Variants in ACOT1 observed in about 807,000 individuals in gnomAD.
The protein encoded by ACOT1 is acyl-CoA thioesterase 1, also known as acyl-coenzyme A thioesterase 1.
In ACOT1, 8 loss-of-function variants were observed where a neutral mutation model predicts 15.7. That is an observed-to-expected ratio of 0.51 (90% CI 0.30 to 0.92). The LOEUF (loss-of-function observed/expected upper bound fraction) is 0.92, where lower values mean the gene tolerates loss of function less well. ACOT1 is among the 40% of genes least tolerant of loss of function. ACOT1 has a pLI of 0.06. For missense variants in ACOT1, 151 were observed against 539.4 expected, an observed-to-expected ratio of 0.28 and a Z score of 7.13; for synonymous variants, 67 against 241.2, an observed-to-expected ratio of 0.28 and a Z score of 6.69.
the ACOT1 span, chr14:73,491,802 T>C: frequency 6.3e-7 from 1 of 1,597,142 alleles, no homozygotes; most frequent in Non-Finnish European, 8.5e-7. Context: ...GGCCAGCATT[T>C]GGACGCCGCT....
the ACOT1 span, among the ~76,000 whole-genome samples, chr14:73,509,998 C>T: frequency 2.3e-4 from 34 of 150,490 alleles, no homozygotes; most frequent in African/African-American, 7.6e-4. Flanking sequence ...CTCAGCCTCC[C>T]GAGTAGCTGG....
At chr14:73,522,907 G>C in the ACOT1 span, 3 of 1,614,180 alleles carry the variant, frequency 1.9e-6, no homozygotes, top group South Asian at 3.3e-5. Context: ...TGCTGGGCAG[G>C]CCTCGCTGCC....
At chr14:73,501,358 C>T in the ACOT1 span, among the ~76,000 whole-genome samples, 139 of 152,068 alleles carry the variant, frequency 9.1e-4, no homozygotes, top group Non-Finnish European at 1.5e-3. Context: ...ATCTCCTGAC[C>T]TCGTGATCTG....
chr14:73,494,545 T>G, the ACOT1 span, among the ~76,000 whole-genome samples: 3 of 152,022 alleles, frequency 2.0e-5, no homozygotes, highest in African/African-American at 7.3e-5. Context: ...AAGCACTATT[T>G]TTTGTTTGTT....
chr14:73,521,631 C>T, the ACOT1 span, among the ~76,000 whole-genome samples: 1 of 152,198 alleles, frequency 6.6e-6, no homozygotes, highest in African/African-American at 2.4e-5. Flanking sequence ...GTAATAGCTC[C>T]AGTCTTCCCT....
the ACOT1 span, chr14:73,523,086 G>A: frequency 6.2e-7 from 1 of 1,612,384 alleles, no homozygotes; most frequent in Non-Finnish European, 8.5e-7. Context: ...CCCCATCCCA[G>A]TCGTGGGGGC....
the ACOT1 span, chr14:73,506,542 C>G: frequency 6.2e-7 from 1 of 1,613,716 alleles, no homozygotes; most frequent in Non-Finnish European, 8.5e-7. Context: ...AGCTGTTCAG[C>G]TCCACAGCAA....
At chr14:73,499,145 G>C in the ACOT1 span, 5 of 1,613,792 alleles carry the variant, frequency 3.1e-6, no homozygotes, top group Non-Finnish European at 4.2e-6. Flanking sequence ...AAGCACCTGG[G>C]ATGGAAAAGG....
the ACOT1 span, among the ~76,000 whole-genome samples, chr14:73,526,217 C>A: frequency 6.6e-6 from 1 of 152,208 alleles, no homozygotes; most frequent in Non-Finnish European, 1.5e-5. Context: ...CAGAATTCTG[C>A]TGGCACCCAC....
At chr14:73,506,709 A>G in the ACOT1 span, 1 of 556,762 alleles carries the variant, frequency 1.8e-6, no homozygotes, top group South Asian at 2.5e-5. Context: ...TGTTTCCATC[A>G]CAGCCAACTG....
the ACOT1 span, chr14:73,499,189 A>T: frequency 6.5e-7 from 1 of 1,527,572 alleles, no homozygotes; most frequent in Non-Finnish European, 9.1e-7. Context: ...AGCAAGAATG[A>T]ACCAGAAACA....
the ACOT1 span, among the ~76,000 whole-genome samples, chr14:73,506,870 G>A: frequency 5.9e-5 from 8 of 135,576 alleles, no homozygotes; most frequent in Admixed American, 8.3e-5. Context: ...GCACAATCTC[G>A]GCTCACTGCA....
At chr14:73,495,327 T>G in the ACOT1 span, 8 of 1,613,932 alleles carry the variant, frequency 5.0e-6, no homozygotes, top group Non-Finnish European at 5.9e-6. Flanking sequence ...ACTTTTCCCA[T>G]GACCATCTCC....
At chr14:73,492,923 A>T in the ACOT1 span, 3 of 1,612,938 alleles carry the variant, frequency 1.9e-6, no homozygotes, top group Non-Finnish European at 2.5e-6. This position sits in a 1 kb window ranked among gnomAD's most constrained non-coding sequence, Gnocchi z 4.9. Context: ...GCTCACTAAG[A>T]TGCCTCTAGC....
the ACOT1 span, among the ~76,000 whole-genome samples, chr14:73,528,342 A>T: frequency 6.9e-6 from 1 of 145,692 alleles, no homozygotes; most frequent in East Asian, 2.0e-4. Context: ...CAGTGAGCCA[A>T]GATCGCGCCA....
At chr14:73,501,615 C>G in the ACOT1 span, among the ~76,000 whole-genome samples, 1 of 147,568 alleles carries the variant, frequency 6.8e-6, no homozygotes, top group Non-Finnish European at 1.5e-5. Flanking sequence ...TCTCTGTTGC[C>G]CAGGCTGGAA....
the ACOT1 span, chr14:73,506,513 A>T: frequency 6.2e-6 from 10 of 1,613,758 alleles, no homozygotes; most frequent in Middle Eastern, 1.6e-4. Flanking sequence ...GCAGGCCACA[A>T]TCCGGTTCTT....
the ACOT1 span, among the ~76,000 whole-genome samples, chr14:73,521,507 C>A: frequency 6.6e-6 from 1 of 152,282 alleles, no homozygotes; most frequent in South Asian, 2.1e-4. Context: ...GTATTCCCAG[C>A]ACTTTGCAGA....
the ACOT1 span, among the ~76,000 whole-genome samples, chr14:73,502,664 C>G: frequency 0.044 from 6,636 of 152,248 alleles, 190 homozygotes; most frequent in Non-Finnish European, 0.069. Context: ...TCTCCTGTCT[C>G]AGCCTCCCGA....
Sources: allele counts gnomAD v4.1 joint callset (sites outside exome capture counted in the v4.1 genomes callset), GRCh38; gene constraint gnomAD v4.1.1; non-coding constraint Gnocchi (gnomAD v3.1); transcripts MANE v1.5; gene names NCBI Gene and HGNC (gene_info 2026-07-23, HGNC 2026-07-21).